Variants in RYR2 observed in about 807,000 individuals in gnomAD.
The protein encoded by RYR2 is cardiac muscle ryanodine receptor-calcium release channel.
In RYR2, 227 loss-of-function variants were observed where a neutral mutation model predicts 601.1. That is an observed-to-expected ratio of 0.38 (90% CI 0.34 to 0.42). The LOEUF is 0.42. Among genes scored for constraint, RYR2 ranks in the 10% least tolerant of loss-of-function variants. The pLI is 1.00. For synonymous variants in RYR2, 2,223 were observed against 2,175.1 expected, an observed-to-expected ratio of 1.02 and a Z score of -0.61; for missense variants, 4,646 against 6,156.5, an observed-to-expected ratio of 0.75 and a Z score of 8.21.
At chr1:237,572,341 T>C (rs916921773) in intron 29 of RYR2, among the ~76,000 whole-genome samples, 10 of 152,158 alleles carry the variant, frequency 6.6e-5, no homozygotes, top group African/African-American at 2.4e-4. Flanking sequence ...TAAATGCATG[T>C]GTGAGTTCTG....
At chr1:237,176,583 T>TTA (rs1558372459) in intron 1 of RYR2, among the ~76,000 whole-genome samples, 5 of 151,874 alleles carry the variant, frequency 3.3e-5, no homozygotes, top group Admixed American at 2.6e-4. Context: ...TTTATTTTTT[T>TTA]AAAAAACACC....
At chr1:237,454,368 G>A (rs1329111572) in intron 14 of RYR2, 23 bp from the exon 15 acceptor site, 1 of 1,569,116 alleles carries the variant, frequency 6.4e-7, no homozygotes, top group Non-Finnish European at 8.6e-7. Context: ...TGACAATAGA[G>A]AAATGTTTAT....
intron 1 of RYR2, among the ~76,000 whole-genome samples, chr1:237,117,648 C>A (rs1054568989): frequency 2.7e-5 from 4 of 149,338 alleles, no homozygotes; most frequent in African/African-American, 9.9e-5. Context: ...TTTCTCTTCT[C>A]TTTTCTCCTC....
At chr1:237,340,189 C>A in intron 3 of RYR2, among the ~76,000 whole-genome samples, 1 of 152,124 alleles carries the variant, frequency 6.6e-6, no homozygotes, top group East Asian at 1.9e-4. Context: ...AAAATCTTTG[C>A]CTATGAAAAC....
intron 1 of RYR2, among the ~76,000 whole-genome samples, chr1:237,184,955 A>T (rs1167138351): frequency 6.6e-6 from 1 of 150,648 alleles, no homozygotes; most frequent in African/African-American, 2.5e-5. Context: ...CAGCAGCCTC[A>T]AACTCTCAGG....
intron 2 of RYR2, among the ~76,000 whole-genome samples, chr1:237,273,248 G>A (rs183703080): frequency 1.8e-3 from 272 of 152,230 alleles, no homozygotes; most frequent in Admixed American, 3.0e-3. Context: ...CCTTGCATGT[G>A]CAGTTCACAA....
At chr1:237,508,946 G>T (rs1346827798) in intron 23 of RYR2, among the ~76,000 whole-genome samples, 1 of 151,480 alleles carries the variant, frequency 6.6e-6, no homozygotes, top group Non-Finnish European at 1.5e-5. Context: ...GTTTCACCGT[G>T]TTAGCCAGGA....
chr1:237,558,774 T>C (rs920284834), intron 27 of RYR2, among the ~76,000 whole-genome samples: 9 of 152,114 alleles, frequency 5.9e-5, no homozygotes, highest in African/African-American at 2.2e-4. Flanking sequence ...CCCAGGCCTC[T>C]GAAGCTCTGC....
At position 237,639,153 on chromosome 1, in the gene RYR2, A is replaced by T. The variant is rs1401322488; in HGVS notation, c.7067A>T (p.Asp2356Val). 1.2e-6 allele frequency: 2 copies of T among 1,613,870 alleles called. No individual in the cohort carries two copies. Among genetic ancestry groups the T allele is most frequent in the South Asian group, 1.1e-5 (1 of 91,056 alleles). The change falls in exon 46 of 105, where the codon GAT (aspartate) becomes GTT (valine). Residue 2356 changes from aspartate (D) to valine (V), a missense_variant. This residue lies in a region of RYR2 where 1,497 missense variants were observed against 1,842.6 expected (regional missense o/e 0.81). Transcript: ENST00000366574. ...GAAGAAGCCATCAAAATCGCCGAGGATCCTTCCCGAGATGGTCCCTCACCA... is the reference window on the plus strand; with the variant it reads ...GAAGAAGCCATCAAAATCGCCGAGGTTCCTTCCCGAGATGGTCCCTCACCA... Reference protein sequence around the residue: ...AMEEAIKIAEDPSRDGPSPNS... With the variant: ...AMEEAIKIAEVPSRDGPSPNS...
At chr1:237,473,577 C>A (rs1661032302) in intron 17 of RYR2, among the ~76,000 whole-genome samples, 1 of 151,914 alleles carries the variant, frequency 6.6e-6, no homozygotes, top group African/African-American at 2.4e-5. Context: ...TTGTAAGAGG[C>A]CTTTTATCAA....
chr1:237,228,937 C>G (rs1162460518), intron 1 of RYR2, among the ~76,000 whole-genome samples: 1 of 152,146 alleles, frequency 6.6e-6, no homozygotes, highest in East Asian at 1.9e-4. Flanking sequence ...ATAGTGACAG[C>G]TAACATTGTG....
rs376096916 is a variant in RYR2 at position 237,574,152 on chromosome 1, T to C, written c.3598+4833T>C. Reference sequence around the variant, plus strand: ...TTTAAAAATCTCTTCAGAGTATCTTTGGGGAAGGCAAAAGGATTCCTTCAA... The same window carrying C: ...TTTAAAAATCTCTTCAGAGTATCTTCGGGGAAGGCAAAAGGATTCCTTCAA... On this transcript the variant is annotated intron_variant, in intron 29 of 104. Coordinates refer to ENST00000366574, the MANE Select transcript of RYR2 (RefSeq NM_001035.3). Among the ~76,000 whole-genome samples, 20 of 152,326 alleles carry C rather than the reference T, an allele frequency of 1.3e-4. No individual in the cohort carries two copies. The East Asian group carries it at 2.3e-3, about 18-fold the overall frequency.
At chr1:237,605,875 T>A (rs546427857) in intron 35 of RYR2, among the ~76,000 whole-genome samples, 21 of 151,378 alleles carry the variant, frequency 1.4e-4, no homozygotes, top group African/African-American at 4.3e-4. Context: ...GTGAAGGACC[T>A]CTTCAAGGAG....
At chr1:237,219,099 C>T (rs1683507946) in intron 1 of RYR2, among the ~76,000 whole-genome samples, 1 of 149,386 alleles carries the variant, frequency 6.7e-6, no homozygotes, top group Admixed American at 6.8e-5. Flanking sequence ...CACACCTCTG[C>T]TTCCTGGGTT....
chr1:237,509,944 G>A (rs1339530301), intron 23 of RYR2, among the ~76,000 whole-genome samples: 3 of 152,196 alleles, frequency 2.0e-5, no homozygotes, highest in African/African-American at 7.2e-5. Context: ...GTTGCAAGAG[G>A]ACACCTCTGC....
chr1:237,251,319 A>C (rs1687445214), intron 1 of RYR2, among the ~76,000 whole-genome samples: 1 of 152,040 alleles, frequency 6.6e-6, no homozygotes, highest in South Asian at 2.1e-4. Flanking sequence ...AGTCCCCTCC[A>C]TTCTGGATCT....
chr1:237,489,684 G>A (rs773879117), intron 17 of RYR2, among the ~76,000 whole-genome samples: 4 of 152,110 alleles, frequency 2.6e-5, no homozygotes, highest in African/African-American at 4.8e-5. Flanking sequence ...TATATTGTTG[G>A]TGGGAATGTA....
chr1:237,795,616 A>G (rs534286498), intron 96 of RYR2, among the ~76,000 whole-genome samples: 9 of 79,166 alleles, frequency 1.1e-4, no homozygotes, highest in African/African-American at 3.6e-4. Context: ...ACACCCGGCT[A>G]ATTTTTGTAT....
intron 1 of RYR2, among the ~76,000 whole-genome samples, chr1:237,260,769 G>T (rs939531949): frequency 1.3e-5 from 2 of 152,128 alleles, no homozygotes; most frequent in African/African-American, 4.8e-5. Context: ...TTTAGAAAAT[G>T]TTGTCTATAC....
Sources: gnomAD v4.1 joint callset for allele counts (sites outside exome capture counted in the v4.1 genomes callset) on GRCh38, gnomAD v4.1.1 for gene constraint, gnomAD v4.1.1 regional missense constraint, MANE v1.5 for transcripts, NCBI Gene and HGNC (gene_info 2026-07-23, HGNC 2026-07-21) for gene names.